SKI: variants seen among roughly 807,000 people sequenced by gnomAD.
SKI encodes the protein ski oncogene.
SKI carries 23 observed loss-of-function variants against 59.3 expected under a neutral mutation model. The ratio of observed to expected loss-of-function variants is 0.39; its 90% CI spans 0.28 to 0.55. The LOEUF is 0.55. Among genes scored for constraint, SKI ranks in the 20% least tolerant of loss-of-function variants. The pLI is 0.67. For missense variants in SKI, 1,017 were observed against 1,038.9 expected (o/e 0.98, Z 0.29); for synonymous variants, 673 against 488.6 (o/e 1.38, Z -4.98).
chr1:2,303,258 C>G lies in SKI; in HGVS notation c.1096-27C>G. 1 of 1,609,886 alleles carries G rather than the reference C, an allele frequency of 6.2e-7. No homozygotes were observed. The highest frequency in any genetic ancestry group is 1.1e-5 in the South Asian group (1 of 91,022). On this transcript the variant is annotated intron_variant, in intron 2 of 6. Coordinates refer to ENST00000378536, the MANE Select transcript of SKI (RefSeq NM_003036.4). This position sits in a 1 kb window ranked among gnomAD's most constrained non-coding sequence, Gnocchi z 5.6. ...AAGTGGCTTGTTTTTCTCCTGGTCA[C>G]TCACACAGACAACTCTTTCTCGACA...
chr1:2,295,535 G>A lies in SKI; in HGVS notation c.970-7443G>A, dbSNP rs969685591. Among the ~76,000 whole-genome samples, 14 of 152,246 alleles carry A rather than the reference G, an allele frequency of 9.2e-5. No individual in the cohort carries two copies. In the East Asian group the frequency reaches 2.1e-3, roughly 23 times the overall value. On this transcript the variant is annotated intron_variant, in intron 1 of 6. Coordinates refer to ENST00000378536, the MANE Select transcript of SKI (RefSeq NM_003036.4). ...ACAAGAAGCCCCATGCACATGGTCC[G>A]TCACTCCCCAGGCCCCAAATCCCAG...
chr1:2,302,829 G>A, intron 1 of SKI, 149 bp from the exon 2 acceptor site: 1 of 1,050,390 alleles, frequency 9.5e-7, no homozygotes, highest in Admixed American at 1.7e-5. Flanking sequence ...TCTCCTGGGG[G>A]GTGCCCTGGA....
intron 1 of SKI, among the ~76,000 whole-genome samples, chr1:2,236,640 C>T (rs1226733695): frequency 6.6e-6 from 1 of 152,188 alleles, no homozygotes; most frequent in African/African-American, 2.4e-5. Context: ...CTCCTGACCT[C>T]TTGATCTGCC....
intron 1 of SKI, among the ~76,000 whole-genome samples, 195 bp from the exon 2 acceptor site, chr1:2,302,783 G>T (rs891519590): frequency 2.0e-5 from 3 of 152,174 alleles, no homozygotes; most frequent in Non-Finnish European, 4.4e-5. Context: ...TGCCTGTTGC[G>T]CGTGGCCTAA....
chr1:2,291,155 T>A (rs1452041182), intron 1 of SKI, among the ~76,000 whole-genome samples: 1 of 151,602 alleles, frequency 6.6e-6, no homozygotes, highest in Non-Finnish European at 1.5e-5. Flanking sequence ...GCCAGCTTGC[T>A]GTTCTTGGGA....
chr1:2,231,372 G>T (rs1037299101), intron 1 of SKI, among the ~76,000 whole-genome samples: 3 of 152,174 alleles, frequency 2.0e-5, no homozygotes, highest in Non-Finnish European at 4.4e-5. Context: ...GTTTTTGTCC[G>T]ACTGTGGGTC....
chr1:2,264,041 C>A (rs540917329), intron 1 of SKI, among the ~76,000 whole-genome samples: 1 of 151,840 alleles, frequency 6.6e-6, no homozygotes, highest in Admixed American at 6.6e-5. Context: ...GTGGAACTTA[C>A]CATTAAAACC....
intron 1 of SKI, chr1:2,240,706 T>A: frequency 1.0e-6 from 1 of 985,370 alleles, no homozygotes; most frequent in Non-Finnish European, 1.2e-6. Flanking sequence ...GGAGGACAGT[T>A]CTAGATCCAG....
intron 1 of SKI, among the ~76,000 whole-genome samples, chr1:2,283,338 C>A (rs1415219163): frequency 6.7e-6 from 1 of 148,944 alleles, no homozygotes; most frequent in Non-Finnish European, 1.5e-5. Flanking sequence ...AGGGCAAGGA[C>A]TCAGAGCCTC....
chr1:2,258,168 C>T (rs878941922), intron 1 of SKI, among the ~76,000 whole-genome samples: 1 of 152,172 alleles, frequency 6.6e-6, no homozygotes, highest in Admixed American at 6.5e-5. Context: ...CTTTGGACAG[C>T]CAGATGTTAT....
rs1433340388 is a variant in SKI, at chr1:2,308,006, CAG to C, written c.*1243_*1244del. 1 of 152,482 alleles carries C rather than the reference CAG, an allele frequency of 6.6e-6. No homozygotes were observed. The highest frequency in any genetic ancestry group is 1.9e-4 in the East Asian group (1 of 5,202). The allele number at this position is 152,482 out of a possible 1,614,324, so 9.4% of individuals were successfully genotyped here. On this transcript the variant is annotated 3_prime_UTR_variant, in exon 7 of 7. Transcript: ENST00000378536. The stretch of plus-strand genomic sequence containing the variant: ...CAGTAGCGACTGAATCTGCCACTCT[CAG>C]AATAAGTTCCTTGCATTTATTCCAA...
rs756578214 is a variant in SKI, at chr1:2,309,490, T to C, written c.*2725T>C. The C allele has an allele frequency of 1.3e-5, 2 of 152,156 alleles. No homozygotes were observed. The highest frequency in any genetic ancestry group is 2.9e-5 in the Non-Finnish European group (2 of 68,008). 9.4% of individuals were successfully genotyped at this position (152,156 alleles called of 1,614,324 possible). ...TCCTTTTTCACCGTTGTATTATACA[T>C]GTATATGCTGGGTCCTTTTTCAGAA... On this transcript the variant is annotated 3_prime_UTR_variant, in exon 7 of 7. Coordinates refer to ENST00000378536, the MANE Select transcript of SKI (RefSeq NM_003036.4).
intron 1 of SKI, among the ~76,000 whole-genome samples, chr1:2,241,003 G>A (rs536738982): frequency 2.6e-5 from 4 of 152,208 alleles, no homozygotes; most frequent in Non-Finnish European, 5.9e-5. Context: ...CGAGGGCTTT[G>A]TAGGAGCTCT....
chr1:2,304,133 C>G, intron 4 of SKI, 31 bp downstream of exon 4: 1 of 1,609,828 alleles, frequency 6.2e-7, no homozygotes, highest in South Asian at 1.1e-5. Context: ...GTGCCTCCTC[C>G]CTGTGGGCTG....
intron 1 of SKI, among the ~76,000 whole-genome samples, chr1:2,233,911 T>C (rs1638697417): frequency 6.6e-6 from 1 of 152,170 alleles, no homozygotes; most frequent in South Asian, 2.1e-4. Context: ...GGGGCTGTGC[T>C]CTCCCAGACA....
intron 1 of SKI, among the ~76,000 whole-genome samples, chr1:2,276,286 G>T (rs1639741501): frequency 6.6e-6 from 1 of 151,950 alleles, no homozygotes; most frequent in African/African-American, 2.4e-5. Flanking sequence ...GCTACCCCAG[G>T]TGGCTCCACC....
At chr1:2,265,734 A>G (rs1031432202) in intron 1 of SKI, among the ~76,000 whole-genome samples, 1 of 152,176 alleles carries the variant, frequency 6.6e-6, no homozygotes, top group Non-Finnish European at 1.5e-5. Context: ...TGGGAGGCTG[A>G]GGTGGGCAGA....
chr1:2,300,884 G>A (rs541154662), intron 1 of SKI, among the ~76,000 whole-genome samples: 8 of 152,208 alleles, frequency 5.3e-5, no homozygotes, highest in Admixed American at 3.9e-4. Context: ...GATTGGGCTC[G>A]GGGCCCCGGG....
chr1:2,239,131 TGTA>T (rs1383439288), intron 1 of SKI, among the ~76,000 whole-genome samples: 2 of 152,254 alleles, frequency 1.3e-5, no homozygotes, highest in Non-Finnish European at 2.9e-5. Context: ...GATATGCAAA[TGTA>T]GTCAATTAAG....
Sources: allele counts gnomAD v4.1 joint callset (sites outside exome capture counted in the v4.1 genomes callset), GRCh38; gene constraint gnomAD v4.1.1; non-coding constraint Gnocchi (gnomAD v3.1); transcripts MANE v1.5; gene names NCBI Gene and HGNC (gene_info 2026-07-23, HGNC 2026-07-21).